LRP1B: variants seen among roughly 807,000 people sequenced by gnomAD.
LRP1B encodes the protein low-density lipoprotein receptor-related protein 1B.
Under a neutral mutation model 556.6 loss-of-function variants are expected in LRP1B, and 217 were observed. That is an observed-to-expected ratio of 0.39 (90% CI 0.35 to 0.44). LRP1B has a LOEUF of 0.44. Among genes scored for constraint, LRP1B ranks in the 20% least tolerant of loss-of-function variants. LRP1B has a pLI of 1.00. For synonymous variants in LRP1B, 2,047 were observed against 1,865.8 expected (o/e 1.10, Z -2.50); for missense variants, 5,053 against 5,620.8 (o/e 0.90, Z 3.23).
At chr2:141,465,614 A>T (rs759513240) in intron 3 of LRP1B, among the ~76,000 whole-genome samples, 1 of 150,934 alleles carries the variant, frequency 6.6e-6, no homozygotes, top group African/African-American at 2.4e-5. Context: ...CAGTGGCACA[A>T]TCTGGGCTCA....
chr2:140,976,728 C>T (rs906393248), intron 18 of LRP1B, among the ~76,000 whole-genome samples: 1 of 151,866 alleles, frequency 6.6e-6, no homozygotes, highest in Admixed American at 6.6e-5. Context: ...CCAGGTTGGT[C>T]TCAAACTCCT....
chr2:141,081,353 A>C (rs182665981), intron 7 of LRP1B, among the ~76,000 whole-genome samples: 28 of 152,314 alleles, frequency 1.8e-4, no homozygotes, highest in Admixed American at 1.8e-3. Flanking sequence ...TATTCATAAA[A>C]TTTAAAAAAG....
intron 43 of LRP1B, among the ~76,000 whole-genome samples, chr2:140,567,343 T>C (rs1297736420): frequency 2.0e-5 from 3 of 152,186 alleles, no homozygotes. Flanking sequence ...GTCACCACTA[T>C]CTGCTGACTT....
chr2:141,692,001 C>A (rs185743481), intron 2 of LRP1B, among the ~76,000 whole-genome samples: 1 of 152,068 alleles, frequency 6.6e-6, no homozygotes. Flanking sequence ...ACAATATAGT[C>A]ATTATGCCTG....
intron 4 of LRP1B, 55 bp from the exon 5 acceptor site, chr2:141,247,409 T>A (rs1490011307): frequency 2.5e-6 from 4 of 1,586,662 alleles, no homozygotes; most frequent in Non-Finnish European, 3.4e-6. Context: ...GCACTTTTTT[T>A]TCTCCTTGAA....
At chr2:140,960,889 T>G (rs550468789) in intron 18 of LRP1B, among the ~76,000 whole-genome samples, 1 of 152,114 alleles carries the variant, frequency 6.6e-6, no homozygotes, top group Non-Finnish European at 1.5e-5. Flanking sequence ...AATGTGAAAT[T>G]ACATGACATG....
chr2:142,021,612 TTA>T (rs1399028046), intron 1 of LRP1B, among the ~76,000 whole-genome samples: 3 of 152,158 alleles, frequency 2.0e-5, no homozygotes, highest in African/African-American at 7.2e-5. Flanking sequence ...TATTTGATAC[TTA>T]TGATTGGTGT....
At chr2:141,281,282 T>G (rs979522854) in intron 3 of LRP1B, among the ~76,000 whole-genome samples, 1 of 151,978 alleles carries the variant, frequency 6.6e-6, no homozygotes, top group East Asian at 1.9e-4. Context: ...TAGTTTTACT[T>G]ATTACATGAA....
In LRP1B at chr2:141,916,617, C is replaced by T. The variant is rs954214623; in HGVS notation, c.83-106216G>A. Among the ~76,000 whole-genome samples the T allele has an allele frequency of 3.3e-5, 5 of 149,648 alleles. No homozygotes were observed. The East Asian group carries it at 9.9e-4, about 30-fold the overall frequency. ...CAGGATGGTCTTGATCTCCTGACCT[C>T]GTGATCCGCCCTCCTCAGCCTCCCA... is the stretch of plus-strand genomic sequence containing the variant. On this transcript the variant is annotated intron_variant, in intron 1 of 90. Transcript: ENST00000389484.
rs545492675 is a variant in LRP1B at position 140,263,163 on chromosome 2, C to A, written c.13247+7079G>T. On this transcript the variant is annotated intron_variant, in intron 86 of 90. Coordinates refer to ENST00000389484, the MANE Select transcript of LRP1B (RefSeq NM_018557.3). ...CGAACTCCTGAGCTCAAGTGATCCA[C>A]CTACCTAGGTATCCCAAAGTGCTGG... Among the ~76,000 whole-genome samples the A allele has an allele frequency of 4.6e-5, 7 of 152,234 alleles. No individual in the cohort carries two copies. In the South Asian group the frequency reaches 1.0e-3, roughly 23 times the overall value.
chr2:141,760,324 T>TA (rs761102632), intron 2 of LRP1B, among the ~76,000 whole-genome samples: 4 of 152,082 alleles, frequency 2.6e-5, no homozygotes, highest in African/African-American at 7.2e-5. Flanking sequence ...CATTGTTAAG[T>TA]AAAAAAACAC....
chr2:141,229,326 T>A lies in LRP1B; in HGVS notation c.707A>T (p.His236Leu), dbSNP rs1683372096. ...TTCATTATAAATAAAATCCAGAGTATGAATTTCATTTCCATTGACTGAGCT... is the reference window on the plus strand; with the variant it reads ...TTCATTATAAATAAAATCCAGAGTAAGAATTTCATTTCCATTGACTGAGCT... ...TLSSVNGNEI[H>L]TLDFIYNEDM... Residue 236 changes from histidine (H) to leucine (L), a missense_variant, in exon 6 of 91, where the codon CAT becomes CTT. Transcript: ENST00000389484. 1 of 1,612,730 alleles carries A rather than the reference T, an allele frequency of 6.2e-7. No homozygotes were observed. Among genetic ancestry groups the A allele is most frequent in the Admixed American group, 1.7e-5 (1 of 59,944 alleles).
chr2:140,792,307 C>T (rs893031715), intron 32 of LRP1B, among the ~76,000 whole-genome samples: 1 of 152,082 alleles, frequency 6.6e-6, no homozygotes, highest in Non-Finnish European at 1.5e-5. Flanking sequence ...CATAAGCCAC[C>T]AGACATTGAA....
chr2:140,323,217 TTTG>T (rs368228230), intron 81 of LRP1B, among the ~76,000 whole-genome samples: 135 of 152,136 alleles, frequency 8.9e-4, no homozygotes, highest in African/African-American at 2.9e-3. Flanking sequence ...TATTTTTCAC[TTTG>T]TTGTTCACTG....
intron 60 of LRP1B, 25 bp from the exon 61 acceptor site, chr2:140,457,676 A>T: frequency 6.9e-6 from 11 of 1,584,254 alleles, no homozygotes; most frequent in Admixed American, 1.7e-5. Context: ...GGTAAGATTA[A>T]TGTTCAGTCT....
In LRP1B at chr2:140,515,431, AG is replaced by A. The variant is rs769877942; in HGVS notation, c.8150-660del. 5.3e-5 allele frequency among the ~76,000 whole-genome samples: 8 copies of A among 152,060 alleles called. 1 individual carries two copies. The South Asian group carries it at 8.3e-4, about 16-fold the overall frequency. On this transcript the variant is annotated intron_variant, in intron 50 of 90. Coordinates refer to ENST00000389484, the MANE Select transcript of LRP1B (RefSeq NM_018557.3). Reference sequence around the variant, plus strand: ...AATAACACACTCCATTTATTTCCAAAGCCAATTTTGTTATTGCTCTCCTCCA... The same window carrying A: ...AATAACACACTCCATTTATTTCCAAACCAATTTTGTTATTGCTCTCCTCCA...
chr2:141,991,280 A>C (rs1702336024), intron 1 of LRP1B, among the ~76,000 whole-genome samples: 1 of 152,030 alleles, frequency 6.6e-6, no homozygotes, highest in South Asian at 2.1e-4. Context: ...CTTTCAGTGG[A>C]AAATCTCTTC....
rs112603403 is a variant in LRP1B at position 141,728,902 on chromosome 2, C to G, written c.205+81377G>C. Among the ~76,000 whole-genome samples the G allele has an allele frequency of 4.6e-5, 7 of 152,272 alleles. 1 individual carries two copies. The highest frequency in any genetic ancestry group is 1.7e-4 in the African/African-American group (7 of 41,552). ...CATCTATTCCTTTAAGAAATCAGTT[C>G]TCTTCCTGTCTCCCTTCTGTCTGAA... is the stretch of plus-strand genomic sequence containing the variant. On this transcript the variant is annotated intron_variant, in intron 2 of 90. Coordinates refer to ENST00000389484, the MANE Select transcript of LRP1B (RefSeq NM_018557.3).
intron 6 of LRP1B, among the ~76,000 whole-genome samples, chr2:141,198,827 C>T (rs950508440): frequency 1.3e-5 from 2 of 152,156 alleles, no homozygotes; most frequent in Non-Finnish European, 2.9e-5. Flanking sequence ...ATCCACAAAT[C>T]AAAAGTATTC....
Sources: allele counts gnomAD v4.1 joint callset (sites outside exome capture counted in the v4.1 genomes callset), GRCh38; gene constraint gnomAD v4.1.1; transcripts MANE v1.5; gene names NCBI Gene and HGNC (gene_info 2026-07-23, HGNC 2026-07-21).